Variants in ZFYVE16 observed in about 807,000 individuals in gnomAD.
The protein encoded by ZFYVE16 is zinc finger FYVE domain-containing protein 16.
ZFYVE16 carries 89 observed loss-of-function variants against 138.1 expected under a neutral mutation model. The ratio of observed to expected loss-of-function variants is 0.64; its 90% CI spans 0.54 to 0.77. ZFYVE16 has a LOEUF of 0.77. Ranked by LOEUF, ZFYVE16 falls within the 30% of genes least tolerant of loss-of-function variation. The probability of loss-of-function intolerance (pLI) is 0.00; values close to 1 mark genes in which losing one functional copy is unlikely to be tolerated. For synonymous variants in ZFYVE16, 596 were observed against 618.3 expected (o/e 0.96, Z 0.53); for missense variants, 1,793 against 1,786.7 (o/e 1.00, Z -0.06).
intron 1 of ZFYVE16, among the ~76,000 whole-genome samples, chr5:80,426,334 A>T (rs1748073045): frequency 6.6e-6 from 1 of 150,790 alleles, no homozygotes; most frequent in South Asian, 2.1e-4. Flanking sequence ...CAGGATGTGC[A>T]GGTTTGTTAC....
chr5:80,434,062 T>C, intron 2 of ZFYVE16, 47 bp from the exon 3 acceptor site: 1 of 1,298,184 alleles, frequency 7.7e-7, no homozygotes, highest in Non-Finnish European at 1.1e-6. Context: ...TGGCATAAAA[T>C]TTGTTATGTA....
chr5:80,468,387 C>G (rs1362407171), intron 15 of ZFYVE16, among the ~76,000 whole-genome samples: 1 of 152,164 alleles, frequency 6.6e-6, no homozygotes, highest in Non-Finnish European at 1.5e-5. Flanking sequence ...ATAGTATAGC[C>G]TAGTGCATAC....
At chr5:80,469,489 C>T (rs1754081719) in intron 15 of ZFYVE16, among the ~76,000 whole-genome samples, 1 of 152,060 alleles carries the variant, frequency 6.6e-6, no homozygotes, top group Non-Finnish European at 1.5e-5. Flanking sequence ...GTGATCCTCC[C>T]TCCTCAGCCT....
intron 16 of ZFYVE16, 107 bp from the exon 17 acceptor site, chr5:80,473,645 CAT>C (rs1292472861): frequency 3.0e-6 from 2 of 660,056 alleles, no homozygotes; most frequent in African/African-American, 3.7e-5. Flanking sequence ...ATATAATTGA[CAT>C]ATCTTCTTTT....
chr5:80,416,504 C>T (rs1277474109), intron 1 of ZFYVE16, among the ~76,000 whole-genome samples: 2 of 151,662 alleles, frequency 1.3e-5, no homozygotes, highest in Admixed American at 1.3e-4. Flanking sequence ...GATTGCCTGC[C>T]TCGGCCTCCC....
At position 80,459,411 on chromosome 5, in the gene ZFYVE16, C is replaced by CAGTG. The variant is rs2072805664; in HGVS notation, c.3944-1_3946dup. ...ACAAATAATTGTTGTATTTCTTGAT[C>CAGTG]AGTGACAGGTGCAAGTTTTGTGGTA... On this transcript the variant is annotated splice_region_variant and splice_polypyrimidine_tract_variant and intron_variant, in intron 14 of 18. Transcript: ENST00000505560. The CAGTG allele has an allele frequency of 1.9e-6, 3 of 1,610,902 alleles. No homozygotes were observed. Among genetic ancestry groups the CAGTG allele is most frequent in the Non-Finnish European group, 1.7e-6 (2 of 1,178,658 alleles).
At chr5:80,435,565 A>G (rs1045639000) in intron 3 of ZFYVE16, among the ~76,000 whole-genome samples, 6 of 152,154 alleles carry the variant, frequency 3.9e-5, no homozygotes, top group African/African-American at 1.4e-4. Flanking sequence ...TTATAGTGCA[A>G]CTAAGTTTCT....
rs1223370615 is a variant in ZFYVE16, at chr5:80,456,490, T to C, written c.3720T>C (p.His1240=). Reference sequence around the variant, plus strand: ...TTCGAAATTACCAGTATACCTTGCATAATATAGATCAACTGTTGATTCATA... The same window carrying C: ...TTCGAAATTACCAGTATACCTTGCACAATATAGATCAACTGTTGATTCATA... ...VDLRNYQYTL[H]NIDQLLIHME... is the part of the protein sequence containing the mutation. The change falls in exon 13 of 19, where the codon CAT becomes CAC. Residue 1240 remains histidine (H), a synonymous_variant. Coordinates refer to ENST00000505560, the MANE Select transcript of ZFYVE16 (RefSeq NM_001284236.3). 1 of 1,612,972 alleles carries C rather than the reference T, an allele frequency of 6.2e-7. No individual in the cohort carries two copies. Among genetic ancestry groups the C allele is most frequent in the East Asian group, 2.2e-5 (1 of 44,696 alleles).
At chr5:80,434,365 T>C in intron 3 of ZFYVE16, 148 bp downstream of exon 3, 1 of 733,452 alleles carries the variant, frequency 1.4e-6, no homozygotes, top group Non-Finnish European at 2.3e-6. Flanking sequence ...CATAATAAGA[T>C]GTTAGTTGAT....
chr5:80,478,543 T>C lies in ZFYVE16; in HGVS notation c.*1166T>C, dbSNP rs1755110496. ...TATTGTAGTCCTGTCATTTAAGTTA[T>C]GTAAAAAATTTAATCATTATTTTGA... On this transcript the variant is annotated 3_prime_UTR_variant, in exon 19 of 19. Coordinates refer to ENST00000505560, the MANE Select transcript of ZFYVE16 (RefSeq NM_001284236.3). 1.3e-5 allele frequency: 2 copies of C among 152,122 alleles called. No homozygotes were observed. The highest frequency in any genetic ancestry group is 2.1e-4 in the South Asian group (1 of 4,830). The allele number at this position is 152,122 out of a possible 1,614,324, so 9.4% of individuals were successfully genotyped here. A position where few individuals can be genotyped will look rare whatever the true frequency, so the allele number is the denominator to read the frequency against.
chr5:80,441,950 AGCAG>A, intron 5 of ZFYVE16: 2 of 980,656 alleles, frequency 2.0e-6, no homozygotes, highest in Non-Finnish European at 2.4e-6. Flanking sequence ...CTGAAGTTCA[AGCAG>A]AGAGCAAAAT....
intron 1 of ZFYVE16, among the ~76,000 whole-genome samples, chr5:80,412,491 C>G (rs191442752): frequency 6.6e-6 from 1 of 152,206 alleles, no homozygotes; most frequent in African/African-American, 2.4e-5. Context: ...ATATACACAG[C>G]TTAATGAGAT....
At chr5:80,463,827 A>T (rs1753395127) in intron 15 of ZFYVE16, among the ~76,000 whole-genome samples, 1 of 152,070 alleles carries the variant, frequency 6.6e-6, no homozygotes, top group Non-Finnish European at 1.5e-5. Flanking sequence ...AGATACCCTA[A>T]ATTATCTCTC....
Position 80,445,389 on chromosome 5 carries a change from C to T in ZFYVE16, c.2708C>T (p.Ser903Leu), listed in dbSNP as rs764221333. 12 of 1,612,980 alleles carry T rather than the reference C, an allele frequency of 7.4e-6. No homozygotes were observed. In the South Asian group the frequency reaches 1.3e-4, roughly 18 times the overall value. Reference protein sequence around the residue: ...KRCSEDFSPLSPDVPMTVNTV... With the variant: ...KRCSEDFSPLLPDVPMTVNTV... ...TGTTCTGAAGACTTTAGTCCTCTCTCACCTGATGTGCCTATGGTAAGGAAT... is the reference window on the plus strand; with the variant it reads ...TGTTCTGAAGACTTTAGTCCTCTCTTACCTGATGTGCCTATGGTAAGGAAT... Residue 903 changes from serine to leucine, a missense_variant, in exon 7 of 19, where the codon TCA (serine) becomes TTA (leucine). Coordinates refer to ENST00000505560, the MANE Select transcript of ZFYVE16 (RefSeq NM_001284236.3).
At position 80,438,281 on chromosome 5, in the gene ZFYVE16, A is replaced by G. The variant is rs1305590127; in HGVS notation, c.1596A>G (p.Glu532=). The G allele has an allele frequency of 1.2e-6, 2 of 1,614,082 alleles. No homozygotes were observed. The highest frequency in any genetic ancestry group is 1.7e-6 in the Non-Finnish European group (2 of 1,179,968). The change falls in exon 4 of 19, where the codon GAA becomes GAG. Residue 532 remains glutamate (E), a synonymous_variant. Coordinates refer to ENST00000505560, the MANE Select transcript of ZFYVE16 (RefSeq NM_001284236.3). ...GTGGCCCACTAATTAGTGATGCTGA[A>G]CTTGATGCCTTTCTGACAGAACAGT... ...AKSGPLISDA[E]LDAFLTEQYL...
chr5:80,473,800 G>GA lies in ZFYVE16; in HGVS notation c.4240dup (p.Ile1414AsnfsTer8), dbSNP rs767324897. On this transcript the variant is annotated frameshift_variant, in exon 17 of 19. Coordinates refer to ENST00000505560, the MANE Select transcript of ZFYVE16 (RefSeq NM_001284236.3). LOFTEE classifies it high-confidence loss of function. ...AATATCATTACAAGGATTTCCAAGT[G>GA]AAAAAATAAAACTGGAAGCAGATTT... 1 of 1,613,036 alleles carries GA rather than the reference G, an allele frequency of 6.2e-7. No homozygotes were observed.
At chr5:80,409,164 A>G (rs1030083820) in intron 1 of ZFYVE16, among the ~76,000 whole-genome samples, 3 of 152,026 alleles carry the variant, frequency 2.0e-5, no homozygotes, top group Non-Finnish European at 4.4e-5. Flanking sequence ...TTTTCTTGAG[A>G]TGAGATTTTA....
Position 80,445,165 on chromosome 5 carries a change from A to G in ZFYVE16, c.2582-98A>G. ...CTGAGAATTCAGGGGTTGCCAGTGGATAGCAAAAAGCTTTTGAAAACATTT... is the reference window on the plus strand; with the variant it reads ...CTGAGAATTCAGGGGTTGCCAGTGGGTAGCAAAAAGCTTTTGAAAACATTT... On this transcript the variant is annotated intron_variant, in intron 6 of 18. Coordinates refer to ENST00000505560, the MANE Select transcript of ZFYVE16 (RefSeq NM_001284236.3). 6 of 1,401,888 alleles carry G rather than the reference A, an allele frequency of 4.3e-6. No homozygotes were observed. The South Asian group carries it at 8.3e-5, about 19-fold the overall frequency. 86.8% of individuals were successfully genotyped at this position (1,401,888 alleles called of 1,614,324 possible).
In ZFYVE16 at chr5:80,477,424, T is replaced by A. The variant is rs368156549; in HGVS notation, c.*47T>A. 6.4e-7 allele frequency: 1 copy of A among 1,552,246 alleles called. No individual in the cohort carries two copies. The highest frequency in any genetic ancestry group is 1.4e-5 in the African/African-American group (1 of 71,836). ...ATATTGCAACCTAATTTGTTAAAAC[T>A]AACTCCAGCACTAAAGCTGAAATGC... On this transcript the variant is annotated 3_prime_UTR_variant, in exon 19 of 19. Transcript: ENST00000505560.
Sources: allele counts gnomAD v4.1 joint callset (sites outside exome capture counted in the v4.1 genomes callset), GRCh38; gene constraint gnomAD v4.1.1; transcripts MANE v1.5; gene names NCBI Gene and HGNC (gene_info 2026-07-23, HGNC 2026-07-21).